DOCK9: variants seen among roughly 807,000 people sequenced by gnomAD.
DOCK9 encodes dedicator of cytokinesis 9.
A neutral mutation model predicts 263.3 loss-of-function variants in DOCK9; 89 were observed. That is an observed-to-expected ratio of 0.34 (90% confidence interval 0.28 to 0.40). The LOEUF is 0.40. Among genes scored for constraint, DOCK9 ranks in the 10% least tolerant of loss-of-function variants. The pLI is 1.00. For synonymous variants in DOCK9, 976 were observed against 973.1 expected (o/e 1.00, Z -0.06); for missense variants, 2,140 against 2,603.4 (o/e 0.82, Z 3.87).
rs1210006976 is a variant in DOCK9, at chr13:98,974,301, G to A, written c.126+3483C>T. Among the ~76,000 whole-genome samples, 3 of 152,162 alleles carry A rather than the reference G, an allele frequency of 2.0e-5. 1 individual carries two copies. Among genetic ancestry groups the A allele is most frequent in the East Asian group, 3.9e-4 (2 of 5,194 alleles). ...AAGCCATTTCTCAGTGGGGTTGGCA[G>A]TAAGCCTGGATAGAAATGGGGAAGT... is the stretch of plus-strand genomic sequence containing the variant. On this transcript the variant is annotated intron_variant, in intron 1 of 52. Coordinates refer to ENST00000682017, the MANE Select transcript of DOCK9 (RefSeq NM_001366683.2).
At chr13:98,934,991 G>A (rs1473275790) in intron 2 of DOCK9, among the ~76,000 whole-genome samples, 1 of 152,166 alleles carries the variant, frequency 6.6e-6, no homozygotes, top group Middle Eastern at 3.2e-3. Context: ...GGACGATGAG[G>A]AAATAATTAT....
rs1594946235 is a variant in DOCK9, at chr13:98,883,820, T to C, written c.2462A>G (p.Tyr821Cys). ...KISTHLVSTV[Y>C]TQDQHLHNFF... ...TGTTGAAGGAGCACATACCTGAGTATACACTGTAGAAACCAGATGAGTGGA... is the reference window on the plus strand; with the variant it reads ...TGTTGAAGGAGCACATACCTGAGTACACACTGTAGAAACCAGATGAGTGGA... The change falls in exon 22 of 53, where the codon TAT becomes TGT. Residue 821 changes from tyrosine (Y) to cysteine (C), a missense_variant. Tyr to Cys is a radical substitution (Grantham distance 194). Coordinates refer to ENST00000682017, the MANE Select transcript of DOCK9 (RefSeq NM_001366683.2). 6.2e-7 allele frequency: 1 copy of C among 1,609,588 alleles called. No homozygotes were observed. The highest frequency in any genetic ancestry group is 8.5e-7 in the Non-Finnish European group (1 of 1,178,050).
chr13:98,992,984 G>C (rs1311577963), intron 1 of DOCK9, among the ~76,000 whole-genome samples: 2 of 152,168 alleles, frequency 1.3e-5, no homozygotes, highest in Non-Finnish European at 2.9e-5. Flanking sequence ...TGGTGTGTTT[G>C]GGAAACAGCA....
intron 49 of DOCK9, 86 bp from the exon 50 acceptor site, chr13:98,800,564 T>C: frequency 7.0e-7 from 1 of 1,425,428 alleles, no homozygotes; most frequent in Non-Finnish European, 9.4e-7. Flanking sequence ...GTGATTATTA[T>C]ACATGTCATT....
intron 1 of DOCK9, among the ~76,000 whole-genome samples, chr13:99,052,122 T>C (rs2040725980): frequency 6.6e-6 from 1 of 152,228 alleles, no homozygotes; most frequent in African/African-American, 2.4e-5. Context: ...ATGGAAATGC[T>C]TGACTATCAG....
chr13:98,901,704 G>T, intron 13 of DOCK9, 74 bp downstream of exon 13: 1 of 1,505,936 alleles, frequency 6.6e-7, no homozygotes, highest in South Asian at 1.3e-5. Flanking sequence ...ATTTCATTAA[G>T]GATTTATAGT....
At position 98,825,061 on chromosome 13, in the gene DOCK9, C is replaced by T. The variant is rs1186703206; in HGVS notation, c.5024-557G>A. 2.0e-5 allele frequency among the ~76,000 whole-genome samples: 3 copies of T among 152,132 alleles called. No homozygotes were observed. The highest frequency in any genetic ancestry group is 4.8e-5 in the African/African-American group (2 of 41,424). On this transcript the variant is annotated intron_variant, in intron 44 of 52. Coordinates refer to ENST00000682017, the MANE Select transcript of DOCK9 (RefSeq NM_001366683.2). This position sits in a 1 kb window ranked among gnomAD's most constrained non-coding sequence, Gnocchi z 4.1. ...CTTAGCTGGTTCCCACCCCAGAGGC[C>T]CCGGGGTGGGTGGCTGGCTGCATCA...
intron 1 of DOCK9, among the ~76,000 whole-genome samples, chr13:98,998,996 G>A (rs767290440): frequency 6.6e-6 from 1 of 152,128 alleles, no homozygotes; most frequent in South Asian, 2.1e-4. Flanking sequence ...CTTTTGCTAC[G>A]TGAATCACCT....
At chr13:98,933,899 TG>T (rs2054377245) in intron 2 of DOCK9, among the ~76,000 whole-genome samples, 1 of 151,426 alleles carries the variant, frequency 6.6e-6, no homozygotes, top group African/African-American at 2.4e-5. Context: ...TTGTTGTTGT[TG>T]TTGTTGTTGT....
chr13:99,004,480 T>C (rs533001127), intron 1 of DOCK9, among the ~76,000 whole-genome samples: 6 of 152,204 alleles, frequency 3.9e-5, no homozygotes, highest in South Asian at 2.1e-4. Flanking sequence ...CTATTTAGCA[T>C]ACAGGACTGC....
chr13:98,865,238 T>C (rs1395177221), intron 30 of DOCK9, among the ~76,000 whole-genome samples: 2 of 152,078 alleles, frequency 1.3e-5, no homozygotes, highest in Non-Finnish European at 2.9e-5. Flanking sequence ...GGCTAATTTT[T>C]GTTTCTGTTT....
At position 99,041,406 on chromosome 13, in the gene DOCK9, C is replaced by G. The variant is rs569536702; in HGVS notation, c.129+44817G>C. 1.6e-4 allele frequency among the ~76,000 whole-genome samples: 24 copies of G among 151,980 alleles called. 1 individual carries two copies. The East Asian group carries it at 2.3e-3, about 15-fold the overall frequency. ...AGTTGAGGCAGAGAATTGCTTGAGCCCTGGAGGTCGAGGCTGCAGTGAGCT... is the reference window on the plus strand; with the variant it reads ...AGTTGAGGCAGAGAATTGCTTGAGCGCTGGAGGTCGAGGCTGCAGTGAGCT... On this transcript the variant is annotated intron_variant, in intron 1 of 32. Transcript: ENST00000427887.
At chr13:99,053,754 A>C (rs2040804699) in intron 1 of DOCK9, among the ~76,000 whole-genome samples, 1 of 152,228 alleles carries the variant, frequency 6.6e-6, no homozygotes. Flanking sequence ...CCTGGTCCCC[A>C]GCGATAGCAC....
At chr13:98,966,134 TGAG>T (rs2059165348) in intron 1 of DOCK9, among the ~76,000 whole-genome samples, 2 of 152,296 alleles carry the variant, frequency 1.3e-5, no homozygotes, top group South Asian at 4.1e-4. Context: ...AGAATGTCAA[TGAG>T]GAGAGGAAGA....
intron 1 of DOCK9, among the ~76,000 whole-genome samples, chr13:99,007,219 C>T (rs182614679): frequency 6.6e-6 from 1 of 151,778 alleles, no homozygotes; most frequent in East Asian, 2.0e-4. Context: ...GAAACCCTGT[C>T]TCTACTAAAA....
intron 13 of DOCK9, among the ~76,000 whole-genome samples, chr13:98,898,668 A>G (rs538673857): frequency 6.6e-6 from 1 of 152,324 alleles, no homozygotes; most frequent in East Asian, 1.9e-4. Context: ...AACACTAATT[A>G]AAATACTAAG....
chr13:98,862,906 C>A (rs1269374277), intron 32 of DOCK9, 113 bp downstream of exon 32: 10 of 884,348 alleles, frequency 1.1e-5, no homozygotes, highest in Admixed American at 2.3e-5. Flanking sequence ...TTCTGGACTC[C>A]TGACTGGGAG....
Position 98,897,480 on chromosome 13 carries a change from A to T in DOCK9, c.1709+8T>A. The T allele has an allele frequency of 6.2e-7, 1 of 1,613,504 alleles. No homozygotes were observed. The highest frequency in any genetic ancestry group is 8.5e-7 in the Non-Finnish European group (1 of 1,179,692). ...TTTCAGGTGTGGAAATAAGACCTTG[A>T]AACTCACTTCCGAAAGTCTGCAAGT... On this transcript the variant is annotated splice_region_variant and intron_variant, in intron 15 of 52. Transcript: ENST00000682017.
At chr13:98,999,290 G>GCA (rs1217981239) in intron 1 of DOCK9, among the ~76,000 whole-genome samples, 3,448 of 145,804 alleles carry the variant, frequency 0.024, 104 homozygotes, top group African/African-American at 0.063. Context: ...GCATGCACGC[G>GCA]CACACACACA....
Sources: allele counts gnomAD v4.1 joint callset (sites outside exome capture counted in the v4.1 genomes callset), GRCh38; gene constraint gnomAD v4.1.1; non-coding constraint Gnocchi (gnomAD v3.1); transcripts MANE v1.5; gene names NCBI Gene and HGNC (gene_info 2026-07-23, HGNC 2026-07-21).